ADGRG5: variants seen among roughly 807,000 people sequenced by gnomAD.
The protein encoded by ADGRG5 is adhesion G protein-coupled receptor G5.
In ADGRG5, 37 loss-of-function variants were observed where a neutral mutation model predicts 53.2. The ratio of observed to expected loss-of-function variants is 0.70; its 90% confidence interval spans 0.53 to 0.91. The LOEUF (loss-of-function observed/expected upper bound fraction) is 0.91. Ranked by LOEUF, ADGRG5 falls within the 40% of genes least tolerant of loss-of-function variation. The pLI, the probability that ADGRG5 is intolerant of heterozygous loss-of-function variation, is 0.00. For synonymous variants in ADGRG5, 277 were observed against 290.4 expected (o/e 0.95, Z 0.47); for missense variants, 614 against 675.8 (o/e 0.91, Z 1.01).
At chr16:57,536,726 G>C in the ADGRG5 span, 1 of 152,176 alleles carries the variant, frequency 6.6e-6, no homozygotes, top group African/African-American at 2.4e-5. Context: ...GGGGGCTCCA[G>C]CCTAACTTCG....
At chr16:57,573,826 A>T (rs912954354) in intron 10 of ADGRG5, among the ~76,000 whole-genome samples, 19 of 152,190 alleles carry the variant, frequency 1.2e-4, no homozygotes, top group African/African-American at 4.3e-4. Flanking sequence ...GGTTCAAGTG[A>T]TTCTCCTGCC....
chr16:57,558,685 TG>T (rs1431121252), intron 1 of ADGRG5, among the ~76,000 whole-genome samples: 3 of 152,154 alleles, frequency 2.0e-5, no homozygotes, highest in Admixed American at 6.5e-5. Context: ...TTCATCCCCA[TG>T]GGAACCAATC....
At chr16:57,539,249 A>G (rs945678621), upstream of ADGRG5, among the ~76,000 whole-genome samples, 2 of 152,216 alleles carry the variant, frequency 1.3e-5, no homozygotes, top group Non-Finnish European at 2.9e-5. Context: ...GTATGATTCT[A>G]CTAAGATGAG....
chr16:57,568,018 C>A lies in ADGRG5; in HGVS notation c.984C>A (p.Cys328Ter). ...AAALHYALLSCLTWMAIEGFN... is the reference protein window; with the variant it reads ...AAALHYALLS ...CCCTGCACTACGCGCTGCTCAGCTG[C>A]CTCACCTGGATGGCCATCGAGGGCT... The change falls in exon 9 of 12, where the codon TGC (cysteine) becomes TGA (stop). Residue 328 changes from cysteine to a stop codon, truncating the protein, a stop_gained. Transcript: ENST00000349457. LOFTEE classifies it high-confidence loss of function. The A allele has an allele frequency of 6.2e-7, 1 of 1,614,080 alleles. No individual in the cohort carries two copies. The highest frequency in any genetic ancestry group is 1.7e-4 in the Middle Eastern group (1 of 6,058).
intron 5 of ADGRG5, 94 bp from the exon 6 acceptor site, chr16:57,564,940 G>C: frequency 1.4e-6 from 1 of 720,088 alleles, no homozygotes; most frequent in South Asian, 1.7e-5. Flanking sequence ...TGAAAGTCTT[G>C]CTGCTTGTTC....
the ADGRG5 span, among the ~76,000 whole-genome samples, chr16:57,536,828 CG>C: frequency 1.3e-5 from 2 of 152,048 alleles, no homozygotes; most frequent in South Asian, 2.1e-4. Flanking sequence ...CCGAGAGTTG[CG>C]GGGGGGCTCG....
chr16:57,569,850 C>T (rs547466117), intron 9 of ADGRG5, among the ~76,000 whole-genome samples: 64 of 152,062 alleles, frequency 4.2e-4, no homozygotes, highest in African/African-American at 1.4e-3. Flanking sequence ...CTATCATCAC[C>T]GTCACCTCCT....
chr16:57,572,887 A>G (rs1294662425), intron 10 of ADGRG5, among the ~76,000 whole-genome samples: 2 of 152,214 alleles, frequency 1.3e-5, no homozygotes, highest in African/African-American at 4.8e-5. Context: ...CTGTAGGGGC[A>G]GGAGCCACAA....
intron 1 of ADGRG5, among the ~76,000 whole-genome samples, chr16:57,545,747 T>C (rs541738355): frequency 4.7e-4 from 72 of 152,376 alleles, no homozygotes; most frequent in African/African-American, 1.7e-3. Context: ...CATAGATATT[T>C]GTGCTGGTTC....
the ADGRG5 span, among the ~76,000 whole-genome samples, chr16:57,537,184 C>T: frequency 6.6e-6 from 1 of 152,152 alleles, no homozygotes; most frequent in Non-Finnish European, 1.5e-5. Context: ...GGTACTTCGC[C>T]TTCGGGGACG....
At chr16:57,558,321 A>G (rs2032926948) in intron 1 of ADGRG5, among the ~76,000 whole-genome samples, 1 of 152,108 alleles carries the variant, frequency 6.6e-6, no homozygotes. Context: ...ACAGGCTCCA[A>G]ATTTCTCCAG....
Position 57,563,949 on chromosome 16 carries a change from T to C in ADGRG5, c.399T>C (p.Cys133=), listed in dbSNP as rs1186767456. Residue 133 remains cysteine (C), a synonymous_variant, in exon 5 of 12, where the codon TGT becomes TGC. Coordinates refer to ENST00000349457, the MANE Select transcript of ADGRG5 (RefSeq NM_001304376.3). The part of the protein sequence containing the change: ...KTRPRELRLI[C]IYFSNTHFFK... ...GCCCCAGGGAGCTGCGGCTCATCTG[T>C]ATCTACTTCTCCAACACCCACTTTT... 1 of 1,613,828 alleles carries C rather than the reference T, an allele frequency of 6.2e-7. No homozygotes were observed.
chr16:57,538,113 C>A (rs1366814351), upstream of ADGRG5, among the ~76,000 whole-genome samples: 2 of 152,172 alleles, frequency 1.3e-5, no homozygotes, highest in African/African-American at 4.8e-5. Context: ...ACTATCAGGC[C>A]TTCTCTCCTT....
At chr16:57,564,380 G>A (rs2033080816) in intron 5 of ADGRG5, among the ~76,000 whole-genome samples, 3 of 151,278 alleles carry the variant, frequency 2.0e-5, no homozygotes, top group African/African-American at 4.9e-5. Context: ...CATGATCTCG[G>A]CTCACTGCAA....
At position 57,575,913 on chromosome 16, in the gene ADGRG5, C is replaced by T. The variant is rs1270888516; in HGVS notation, c.*375C>T. On this transcript the variant is annotated 3_prime_UTR_variant, in exon 12 of 12. Coordinates refer to ENST00000349457, the MANE Select transcript of ADGRG5 (RefSeq NM_001304376.3). ...ACTTCTCACAGACCCTAGGTATCCA[C>T]AGCTGTGACATGGGGGCAAGCGGCT... The T allele has an allele frequency of 1.1e-5, 2 of 189,172 alleles. No homozygotes were observed. Among genetic ancestry groups the T allele is most frequent in the Non-Finnish European group, 2.2e-5 (2 of 89,350 alleles). The allele number at this position is 189,172 out of a possible 1,614,324, so 11.7% of individuals were successfully genotyped here.
chr16:57,554,202 G>A (rs933047771), intron 1 of ADGRG5, among the ~76,000 whole-genome samples: 5 of 151,794 alleles, frequency 3.3e-5, no homozygotes, highest in African/African-American at 1.2e-4. Flanking sequence ...AGGTTCTGTA[G>A]TGATAGCCCC....
At chr16:57,529,203 C>G in the ADGRG5 span, 3 of 1,164,746 alleles carry the variant, frequency 2.6e-6, no homozygotes, top group Admixed American at 4.7e-5. This position sits in a 1 kb window ranked among gnomAD's most constrained non-coding sequence, Gnocchi z 4.1. Flanking sequence ...GCCCTGAGCT[C>G]GAACTCGCGG....
rs114811370 is a variant in ADGRG5, at chr16:57,575,084, C to T, written c.1478C>T (p.Ser493Leu). 3.7e-6 allele frequency: 6 copies of T among 1,612,328 alleles called. No homozygotes were observed. Among genetic ancestry groups the T allele is most frequent in the East Asian group, 2.2e-5 (1 of 44,878 alleles). Residue 493 changes from serine to leucine, a missense_variant, in exon 11 of 12, where the codon TCG becomes TTG. Transcript: ENST00000349457. ...PQLFLFTILNSLYGFFLFLWF... is the reference protein window; with the variant it reads ...PQLFLFTILNLLYGFFLFLWF... ...CTGTTCCTCTTCACCATCTTAAACT[C>T]GCTCTACGGTAGGGCTGGAGGGCGG...
intron 1 of ADGRG5, among the ~76,000 whole-genome samples, chr16:57,554,623 A>T (rs9941202): frequency 3.3e-5 from 5 of 152,180 alleles, no homozygotes; most frequent in Non-Finnish European, 5.9e-5. Flanking sequence ...TGATCCGCCC[A>T]CCTTGGCCTC....
Sources: allele counts gnomAD v4.1 joint callset (sites outside exome capture counted in the v4.1 genomes callset), GRCh38; gene constraint gnomAD v4.1.1; non-coding constraint Gnocchi (gnomAD v3.1); transcripts MANE v1.5; gene names NCBI Gene and HGNC (gene_info 2026-07-23, HGNC 2026-07-21).